Variants in TEP1 observed in about 807,000 individuals in gnomAD.
The protein encoded by TEP1 is telomerase associated protein 1, also known as telomerase protein component 1.
A neutral mutation model predicts 306.3 loss-of-function variants in TEP1; 241 were observed. The ratio of observed to expected loss-of-function variants is 0.79; its 90% confidence interval spans 0.71 to 0.88. The LOEUF is 0.88. Among genes scored for constraint, TEP1 ranks in the 40% least tolerant of loss-of-function variants. The pLI is 0.00. For synonymous variants in TEP1, 1,289 were observed against 1,305.5 expected (o/e 0.99, Z 0.27); for missense variants, 3,051 against 3,276.1 (o/e 0.93, Z 1.68).
Position 20,408,451 on chromosome 14 carries a change from A to T in TEP1, c.-12T>A. On this transcript the variant is annotated 5_prime_UTR_variant, in exon 2 of 55. Coordinates refer to ENST00000262715, the MANE Select transcript of TEP1 (RefSeq NM_007110.5). ...TGGAGTTTTTCCATGGCTGAAACTC[A>T]GCTTGTATATGCCTAGAAGGAGAGA... 6.2e-7 allele frequency: 1 copy of T among 1,607,998 alleles called. No individual in the cohort carries two copies. The highest frequency in any genetic ancestry group is 8.5e-7 in the Non-Finnish European group (1 of 1,178,264).
Position 20,369,769 on chromosome 14 carries a change from T to C in TEP1, c.7328A>G (p.Glu2443Gly). 1.2e-6 allele frequency: 2 copies of C among 1,613,916 alleles called. No homozygotes were observed. The highest frequency in any genetic ancestry group is 1.7e-6 in the Non-Finnish European group (2 of 1,179,866). ...PGVLSFLRQK[E>G]SGEFEERLNF... is the part of the protein sequence containing the mutation. Reference sequence around the variant, plus strand: ...CAGCCTCTCTTCAAACTCTCCTGATTCCTTTTGCCTCTGTGAAAGAATAGG... The same window carrying C: ...CAGCCTCTCTTCAAACTCTCCTGATCCCTTTTGCCTCTGTGAAAGAATAGG... The change falls in exon 52 of 55, where the codon GAA becomes GGA. Residue 2443 changes from glutamate to glycine, a missense_variant. Glu to Gly is a moderately conservative substitution (Grantham distance 98, BLOSUM62 -2). Around this residue, in one of 3 missense-constraint regions of TEP1, gnomAD observed 1,540 missense variants for 1,705.9 expected, o/e 0.90. Transcript: ENST00000262715.
chr14:20,401,675 T>G, intron 7 of TEP1, 94 bp from the exon 8 acceptor site: 1 of 1,517,380 alleles, frequency 6.6e-7, no homozygotes, highest in Non-Finnish European at 8.9e-7. Flanking sequence ...ATCCGATCCC[T>G]ATGTGGTAAT....
Position 20,389,744 on chromosome 14 carries a change from T to C in TEP1, c.2335-4A>G. Reference sequence around the variant, plus strand: ...CAAGGAGGATGACCCTGTCCACCTGTAAGATGAAAAGGGAGAAGATGCTAG... The same window carrying C: ...CAAGGAGGATGACCCTGTCCACCTGCAAGATGAAAAGGGAGAAGATGCTAG... On this transcript the variant is annotated splice_region_variant and splice_polypyrimidine_tract_variant and intron_variant, in intron 15 of 54. Coordinates refer to ENST00000262715, the MANE Select transcript of TEP1 (RefSeq NM_007110.5). 1 of 1,613,842 alleles carries C rather than the reference T, an allele frequency of 6.2e-7. No homozygotes were observed. Among genetic ancestry groups the C allele is most frequent in the Non-Finnish European group, 8.5e-7 (1 of 1,179,844 alleles).
rs148192913 is a variant in TEP1 at position 20,386,458 on chromosome 14, G to A, written c.2850C>T (p.Thr950=). ...DLRWGVTEEE[T]RRNRQLEVCL... ...TGCAGCCCCCACACCTGTTCCTACG[G>A]GTCTCCTCCTCAGTGACGCCCCAGC... Residue 950 remains threonine, a synonymous_variant, in exon 19 of 55, where the codon ACC becomes ACT. Transcript: ENST00000262715. 2 of 1,604,876 alleles carry A rather than the reference G, an allele frequency of 1.2e-6. No homozygotes were observed. Among genetic ancestry groups the A allele is most frequent in the East Asian group, 2.2e-5 (1 of 44,678 alleles).
At chr14:20,402,469 ATC>A (rs1361640024) in intron 7 of TEP1, among the ~76,000 whole-genome samples, 5 of 152,226 alleles carry the variant, frequency 3.3e-5, no homozygotes, top group Admixed American at 2.0e-4. Flanking sequence ...TTTCCTAATC[ATC>A]TGTTTTAATA....
Position 20,389,400 on chromosome 14 carries a change from A to G in TEP1, c.2466-103T>C, listed in dbSNP as rs983019307. ...TGAAAACCCCACTTCTGCACCTTTA[A>G]TAGGGTTATGTGGTAGGCTAGGGCT... On this transcript the variant is annotated intron_variant, in intron 16 of 54. Coordinates refer to ENST00000262715, the MANE Select transcript of TEP1 (RefSeq NM_007110.5). The G allele has an allele frequency of 4.1e-6, 6 of 1,472,744 alleles. No individual in the cohort carries two copies. The Admixed American group carries it at 8.4e-5, about 21-fold the overall frequency. 91.2% of individuals were successfully genotyped at this position (1,472,744 alleles called of 1,614,324 possible). A position where few individuals can be genotyped will look rare whatever the true frequency, so the allele number is the denominator to read the frequency against.
chr14:20,372,368 G>A (rs977562438), intron 49 of TEP1, among the ~76,000 whole-genome samples: 3 of 98,868 alleles, frequency 3.0e-5, no homozygotes, highest in Non-Finnish European at 2.3e-5. Flanking sequence ...GAATATGTGT[G>A]TGTGTGTGTG....
chr14:20,403,236 T>C (rs1878898848), intron 7 of TEP1, 141 bp downstream of exon 7: 1 of 931,546 alleles, frequency 1.1e-6, no homozygotes, highest in Non-Finnish European at 1.6e-6. Context: ...CCTTTCCCAG[T>C]GCTCTCAGAA....
chr14:20,377,286 CAGAAGCCA>C lies in TEP1; in HGVS notation c.6074_6081del (p.Leu2025CysfsTer29). The C allele has an allele frequency of 6.2e-7, 1 of 1,610,750 alleles. No individual in the cohort carries two copies. Among genetic ancestry groups the C allele is most frequent in the Non-Finnish European group, 8.5e-7 (1 of 1,177,562 alleles). ...GCCCACTGTCTAGTAGTACCTGAGG[CAGAAGCCA>C]AGAGCTCCTGGGAAGTGGCCAGTCC... On this transcript the variant is annotated frameshift_variant, in exon 41 of 55. Coordinates refer to ENST00000262715, the MANE Select transcript of TEP1 (RefSeq NM_007110.5). LOFTEE classifies it high-confidence loss of function.
chr14:20,386,362 T>C (rs979477071), intron 19 of TEP1, 85 bp downstream of exon 19: 27 of 1,574,274 alleles, frequency 1.7e-5, no homozygotes, highest in Non-Finnish European at 2.3e-5. Context: ...TCATCCATTC[T>C]TGCAGCCCCA....
intron 5 of TEP1, among the ~76,000 whole-genome samples, chr14:20,404,336 CAA>C (rs1878998235): frequency 8.6e-6 from 1 of 116,548 alleles, no homozygotes; most frequent in Non-Finnish European, 1.7e-5. Context: ...GCCTGGGCGA[CAA>C]GAGTGAAACT....
intron 33 of TEP1, 79 bp downstream of exon 33, chr14:20,380,852 C>T (rs1876451207): frequency 8.0e-7 from 1 of 1,248,746 alleles, no homozygotes; most frequent in Non-Finnish European, 1.2e-6. Flanking sequence ...ACCCCTGCCC[C>T]AACCCTGAGC....
At position 20,384,485 on chromosome 14, in the gene TEP1, A is replaced by G. The variant is rs1410625576; in HGVS notation, c.3245T>C (p.Val1082Ala). Reference protein sequence around the residue: ...CRRYPCEWGGVAAGRPYVGGL... With the variant: ...CRRYPCEWGGAAAGRPYVGGL... The stretch of plus-strand genomic sequence containing the variant: ...GCCAACATAGGGCCGGCCAGCTGCC[A>G]CACCCCCCCACTCACAGGGGTATCT... Residue 1082 changes from valine (V) to alanine (A), a missense_variant, in exon 23 of 55, where the codon GTG becomes GCG. Val to Ala is a moderately conservative substitution (Grantham distance 64). Transcript: ENST00000262715. The G allele has an allele frequency of 6.2e-7, 1 of 1,614,006 alleles. No homozygotes were observed. The highest frequency in any genetic ancestry group is 1.7e-5 in the Admixed American group (1 of 60,004).
At chr14:20,392,278 G>C (rs1478780682) in intron 12 of TEP1, among the ~76,000 whole-genome samples, 1 of 152,126 alleles carries the variant, frequency 6.6e-6, no homozygotes, top group Non-Finnish European at 1.5e-5. Context: ...TTCTGCAACC[G>C]CCAATGAAAC....
Position 20,378,499 on chromosome 14 carries a change from G to A in TEP1, c.5389C>T (p.His1797Tyr). The change falls in exon 38 of 55, where the codon CAC becomes TAC. Residue 1797 changes from histidine to tyrosine, a missense_variant. Physicochemically the swap from His to Tyr is moderately conservative, Grantham distance 83 (BLOSUM62 2). Transcript: ENST00000262715. Reference sequence around the variant, plus strand: ...CAGTTCAGGGACTTGGGGTAGGTGTGCTGGAAGGCCAGCTGCCCACGGACT... The same window carrying A: ...CAGTTCAGGGACTTGGGGTAGGTGTACTGGAAGGCCAGCTGCCCACGGACT... ...DTVRGQLAFQ[H>Y]TYPKSLNCVA... 6.2e-7 allele frequency: 1 copy of A among 1,614,232 alleles called. No homozygotes were observed. Among genetic ancestry groups the A allele is most frequent in the South Asian group, 1.1e-5 (1 of 91,084 alleles).
rs1885040405 is a variant in TEP1 at position 20,374,295 on chromosome 14, T to C, written c.6471+134A>G. ...TTTTTATAGAGATGGGGGGTCTTCC[T>C]ATGTTGCCTAATCTCTAGGTATCTC... On this transcript the variant is annotated intron_variant, in intron 44 of 54. Coordinates refer to ENST00000262715, the MANE Select transcript of TEP1 (RefSeq NM_007110.5). 8.6e-6 allele frequency: 5 copies of C among 583,502 alleles called. No individual in the cohort carries two copies. In the South Asian group the frequency reaches 1.2e-4, roughly 14 times the overall value. The allele number at this position is 583,502 out of a possible 1,614,324, so 36.1% of individuals were successfully genotyped here. A position where few individuals can be genotyped will look rare whatever the true frequency, so the allele number is the denominator to read the frequency against.
Position 20,405,456 on chromosome 14 carries a change from G to A in TEP1, c.865C>T (p.Leu289Phe). Residue 289 changes from leucine (L) to phenylalanine (F), a missense_variant, in exon 4 of 55, where the codon CTC becomes TTC. Physicochemically the swap from Leu to Phe is conservative, Grantham distance 22 (BLOSUM62 0). This residue lies in a region of TEP1 where 1,507 missense variants were observed against 1,550.5 expected (regional missense o/e 0.97). Transcript: ENST00000262715. The stretch of plus-strand genomic sequence containing the variant: ...CCTCCTTCACACCTCAATACCTTGA[G>A]GATAAACTCAGGCTCCAGGAGGGCA... ...ELALLEPEFILKASLYARQQL... is the reference protein window; with the variant it reads ...ELALLEPEFIFKASLYARQQL... 6.2e-7 allele frequency: 1 copy of A among 1,614,006 alleles called. No homozygotes were observed. The highest frequency in any genetic ancestry group is 1.1e-5 in the South Asian group (1 of 91,056).
chr14:20,397,338 C>T (rs987582247), intron 9 of TEP1, among the ~76,000 whole-genome samples: 33 of 151,988 alleles, frequency 2.2e-4, no homozygotes, highest in Admixed American at 1.9e-3. Context: ...TATGAAACCC[C>T]GTCTCTACAA....
chr14:20,372,866 C>T lies in TEP1; in HGVS notation c.6952-9G>A, dbSNP rs1566439814. The T allele has an allele frequency of 1.2e-6, 2 of 1,614,162 alleles. No individual in the cohort carries two copies. The highest frequency in any genetic ancestry group is 1.7e-6 in the Non-Finnish European group (2 of 1,180,036). Reference sequence around the variant, plus strand: ...CCAATGTGGCCTGGAGCCTGGTGTACACAACAAGTTCAATTCAGTGCTTCT... The same window carrying T: ...CCAATGTGGCCTGGAGCCTGGTGTATACAACAAGTTCAATTCAGTGCTTCT... On this transcript the variant is annotated splice_polypyrimidine_tract_variant and intron_variant, in intron 48 of 54. Coordinates refer to ENST00000262715, the MANE Select transcript of TEP1 (RefSeq NM_007110.5).
Sources: gnomAD v4.1 joint callset for allele counts (sites outside exome capture counted in the v4.1 genomes callset) on GRCh38, gnomAD v4.1.1 for gene constraint, gnomAD v4.1.1 regional missense constraint, MANE v1.5 for transcripts, NCBI Gene and HGNC (gene_info 2026-07-23, HGNC 2026-07-21) for gene names.